Variants in GALNT17 observed in about 807,000 individuals in gnomAD.
GALNT17 encodes UDP-GalNAc:polypeptide N-acetylgalactosaminyltransferase-like 3.
In GALNT17, 29 loss-of-function variants were observed where a neutral mutation model predicts 63.7. The observed-to-expected ratio is 0.46, with a 90% CI of 0.34 to 0.62. The LOEUF (loss-of-function observed/expected upper bound fraction) is 0.62. Among genes scored for constraint, GALNT17 ranks in the 20% least tolerant of loss-of-function variants. GALNT17 has a pLI of 0.01. For synonymous variants in GALNT17, 305 were observed against 318.3 expected (o/e 0.96, Z 0.45); for missense variants, 603 against 799.6 (o/e 0.75, Z 2.97).
At chr7:71,295,917 GTTT>G (rs895482164) in intron 1 of GALNT17, among the ~76,000 whole-genome samples, 1 of 142,874 alleles carries the variant, frequency 7.0e-6, no homozygotes, top group South Asian at 2.2e-4. Flanking sequence ...TCTTTCTTGG[GTTT>G]TTTTTTTTTT....
intron 5 of GALNT17, among the ~76,000 whole-genome samples, chr7:71,521,621 C>T (rs985358624): frequency 6.6e-6 from 1 of 152,190 alleles, no homozygotes; most frequent in African/African-American, 2.4e-5. Context: ...TGTCGACTTA[C>T]ACTGCTCAGT....
chr7:71,387,305 A>C (rs1792963757), intron 2 of GALNT17, among the ~76,000 whole-genome samples: 1 of 151,320 alleles, frequency 6.6e-6, no homozygotes, highest in East Asian at 2.0e-4. Flanking sequence ...AACCTAATAC[A>C]TCAGTTCCTG....
At chr7:71,253,431 T>G (rs899582826) in intron 1 of GALNT17, among the ~76,000 whole-genome samples, 2 of 151,812 alleles carry the variant, frequency 1.3e-5, no homozygotes, top group African/African-American at 4.8e-5. Context: ...ACGGGATCCC[T>G]CCTACAACAC....
At chr7:71,480,752 C>T (rs544889469) in intron 5 of GALNT17, among the ~76,000 whole-genome samples, 8 of 152,280 alleles carry the variant, frequency 5.3e-5, no homozygotes, top group Non-Finnish European at 1.2e-4. Context: ...AGTGATCCAC[C>T]CACCTGGGCC....
chr7:71,415,670 C>T (rs555575739), intron 3 of GALNT17, among the ~76,000 whole-genome samples: 19 of 152,264 alleles, frequency 1.2e-4, no homozygotes, highest in African/African-American at 4.1e-4. Context: ...TCCCGCTGTA[C>T]GGATTGCAAA....
chr7:71,547,325 T>A (rs1789002775), intron 5 of GALNT17, among the ~76,000 whole-genome samples: 1 of 152,028 alleles, frequency 6.6e-6, no homozygotes, highest in Admixed American at 6.6e-5. Flanking sequence ...TCACCACACC[T>A]GGCTAATTTT....
chr7:71,606,056 T>G (rs1018889352), intron 6 of GALNT17, among the ~76,000 whole-genome samples: 2 of 151,916 alleles, frequency 1.3e-5, no homozygotes, highest in African/African-American at 4.8e-5. Flanking sequence ...CCTCCCACCT[T>G]AGCCTCACAA....
intron 1 of GALNT17, among the ~76,000 whole-genome samples, chr7:71,173,169 T>C (rs1319775381): frequency 2.0e-5 from 3 of 152,166 alleles, no homozygotes; most frequent in African/African-American, 4.8e-5. Flanking sequence ...AGGGGTGTTA[T>C]ATATTGATTT....
At chr7:71,174,599 G>A (rs1788602948) in intron 1 of GALNT17, among the ~76,000 whole-genome samples, 1 of 152,174 alleles carries the variant, frequency 6.6e-6, no homozygotes, top group Non-Finnish European at 1.5e-5. Context: ...TTCGGGATGG[G>A]CGGTGGAGTT....
At chr7:71,359,626 C>G (rs117839198) in intron 2 of GALNT17, among the ~76,000 whole-genome samples, 1 of 151,948 alleles carries the variant, frequency 6.6e-6, no homozygotes, top group African/African-American at 2.4e-5. Context: ...TGCTGTCACC[C>G]AGGCTGGAGT....
At chr7:71,633,293 T>C (rs1322846786) in intron 6 of GALNT17, among the ~76,000 whole-genome samples, 1 of 151,906 alleles carries the variant, frequency 6.6e-6, no homozygotes, top group Admixed American at 6.6e-5. Context: ...TATGGAACAC[T>C]CTAGTGCAAT....
intron 1 of GALNT17, among the ~76,000 whole-genome samples, chr7:71,325,703 C>T (rs897034298): frequency 2.6e-5 from 4 of 152,126 alleles, no homozygotes; most frequent in East Asian, 3.9e-4. Context: ...CCACAGACAT[C>T]GGCAGAGTGA....
chr7:71,139,809 A>G (rs780162566), intron 1 of GALNT17, among the ~76,000 whole-genome samples: 1 of 152,136 alleles, frequency 6.6e-6, no homozygotes, highest in Non-Finnish European at 1.5e-5. Context: ...CCTGGCCAAC[A>G]TGGTGAAACC....
At chr7:71,191,183 A>G (rs1788945932) in intron 1 of GALNT17, among the ~76,000 whole-genome samples, 1 of 152,232 alleles carries the variant, frequency 6.6e-6, no homozygotes, top group African/African-American at 2.4e-5. Flanking sequence ...TCATCATCTC[A>G]GAAATTCTCT....
intron 1 of GALNT17, among the ~76,000 whole-genome samples, chr7:71,268,834 G>A (rs1264806858): frequency 6.6e-6 from 1 of 152,084 alleles, no homozygotes. Context: ...GGAATTCTGA[G>A]GGCAGGAGTT....
At chr7:71,532,299 A>G (rs1788733892) in intron 5 of GALNT17, among the ~76,000 whole-genome samples, 1 of 152,070 alleles carries the variant, frequency 6.6e-6, no homozygotes, top group South Asian at 2.1e-4. Context: ...AGAATATATA[A>G]TCAGGCACAA....
At chr7:71,604,727 C>A (rs1025183304) in intron 6 of GALNT17, among the ~76,000 whole-genome samples, 2 of 152,158 alleles carry the variant, frequency 1.3e-5, no homozygotes, top group African/African-American at 4.8e-5. Flanking sequence ...ATAGCACAAG[C>A]CCAAGTCCTC....
chr7:71,536,535 C>T lies in GALNT17; in HGVS notation c.963-34750C>T, dbSNP rs531598231. Among the ~76,000 whole-genome samples, 300 of 152,186 alleles carry T rather than the reference C, an allele frequency of 2.0e-3. 2 individuals are homozygous for T. The highest frequency in any genetic ancestry group is 5.4e-3 in the African/African-American group (226 of 41,526). On this transcript the variant is annotated intron_variant, in intron 5 of 10. Coordinates refer to ENST00000333538, the MANE Select transcript of GALNT17 (RefSeq NM_022479.3). ...GAGGTGAAAGGCACTTCTTACATGG[C>T]GATGGCAAGAGAAAATGAGGAAGAT...
At chr7:71,430,962 A>G (rs1393888094) in intron 5 of GALNT17, among the ~76,000 whole-genome samples, 1 of 152,150 alleles carries the variant, frequency 6.6e-6, no homozygotes, top group East Asian at 1.9e-4. Context: ...TGAAATGATT[A>G]TCCTGTCTTG....
Sources: gnomAD v4.1 joint callset for allele counts (sites outside exome capture counted in the v4.1 genomes callset) on GRCh38, gnomAD v4.1.1 for gene constraint, MANE v1.5 for transcripts, NCBI Gene and HGNC (gene_info 2026-07-23, HGNC 2026-07-21) for gene names.